DGKI: variants seen among roughly 807,000 people sequenced by gnomAD.
The protein encoded by DGKI is diacylglycerol kinase iota.
Under a neutral mutation model 147.5 loss-of-function variants are expected in DGKI, and 55 were observed. The observed-to-expected ratio is 0.37, with a 90% CI of 0.30 to 0.47. The LOEUF is 0.47. Among genes scored for constraint, DGKI ranks in the 20% least tolerant of loss-of-function variants. DGKI has a pLI of 1.00. For synonymous variants in DGKI, 469 were observed against 477.1 expected, an observed-to-expected ratio of 0.98 and a Z score of 0.22; for missense variants, 1,007 against 1,323.8, an observed-to-expected ratio of 0.76 and a Z score of 3.71.
intron 21 of DGKI, among the ~76,000 whole-genome samples, chr7:137,494,674 G>A (rs185188412): frequency 1.4e-4 from 21 of 152,222 alleles, no homozygotes; most frequent in Admixed American, 1.2e-3. Context: ...TGAAGGGAGT[G>A]CTAAATATGG....
At chr7:137,566,596 A>C (rs1370846845) in intron 19 of DGKI, among the ~76,000 whole-genome samples, 1 of 152,158 alleles carries the variant, frequency 6.6e-6, no homozygotes, top group Non-Finnish European at 1.5e-5. Context: ...CTAGCTGATG[A>C]TGTATATGGA....
At chr7:137,605,468 A>C (rs1820153777) in intron 10 of DGKI, among the ~76,000 whole-genome samples, 1 of 152,106 alleles carries the variant, frequency 6.6e-6, no homozygotes, top group South Asian at 2.1e-4. Context: ...ACAGCTTTGC[A>C]AAACACCCAG....
intron 8 of DGKI, among the ~76,000 whole-genome samples, chr7:137,611,413 A>C (rs1220809028): frequency 6.6e-6 from 1 of 152,162 alleles, no homozygotes; most frequent in African/African-American, 2.4e-5. Context: ...ATACTTTTTA[A>C]AAGTTTACCA....
chr7:137,683,305 T>A (rs1288738114), intron 2 of DGKI, among the ~76,000 whole-genome samples: 1 of 151,944 alleles, frequency 6.6e-6, no homozygotes, highest in Admixed American at 6.6e-5. Context: ...TAGACTCCAA[T>A]AACAGCATCA....
At chr7:137,773,541 C>T (rs1563191617) in intron 1 of DGKI, among the ~76,000 whole-genome samples, 1 of 152,110 alleles carries the variant, frequency 6.6e-6, no homozygotes, top group Non-Finnish European at 1.5e-5. Context: ...AGATGTTGAT[C>T]AGGCAGCTGA....
intron 32 of DGKI, among the ~76,000 whole-genome samples, chr7:137,395,081 C>T (rs1259122318): frequency 2.0e-5 from 3 of 152,148 alleles, no homozygotes; most frequent in African/African-American, 7.2e-5. Flanking sequence ...AAATGAAGAA[C>T]TACATAAACA....
rs1434428500 is a variant in DGKI, at chr7:137,384,043, T to G, written c.*7177A>C. On this transcript the variant is annotated 3_prime_UTR_variant, in exon 33 of 33. Coordinates refer to ENST00000614521, the MANE Select transcript of DGKI (RefSeq NM_001321708.2). Reference sequence around the variant, plus strand: ...TATGACTATGTATTATCATAACACTTAGCTTGCATACCCACCCATAAACTT... The same window carrying G: ...TATGACTATGTATTATCATAACACTGAGCTTGCATACCCACCCATAAACTT... 6.6e-6 allele frequency: 1 copy of G among 152,080 alleles called. No individual in the cohort carries two copies. The highest frequency in any genetic ancestry group is 1.5e-5 in the Non-Finnish European group (1 of 67,966). 9.4% of individuals were successfully genotyped at this position (152,080 alleles called of 1,614,324 possible). A position where few individuals can be genotyped will look rare whatever the true frequency, so the allele number is the denominator to read the frequency against.
At chr7:137,396,767 T>G (rs1489654112) in intron 31 of DGKI, among the ~76,000 whole-genome samples, 1 of 152,212 alleles carries the variant, frequency 6.6e-6, no homozygotes, top group Non-Finnish European at 1.5e-5. Context: ...TTGTTCCTGT[T>G]TGGGGAGCAG....
chr7:137,536,282 C>A (rs1050334670), intron 20 of DGKI, among the ~76,000 whole-genome samples: 1 of 152,146 alleles, frequency 6.6e-6, no homozygotes, highest in African/African-American at 2.4e-5. Flanking sequence ...GTCTTCTCAT[C>A]TAGGGAATGA....
chr7:137,524,063 T>G (rs964528794), intron 20 of DGKI, among the ~76,000 whole-genome samples: 1 of 148,378 alleles, frequency 6.7e-6, no homozygotes, highest in Non-Finnish European at 1.5e-5. Context: ...AGTCTGATGA[T>G]CTCTGTGTGC....
chr7:137,494,120 CA>C (rs548082859), intron 21 of DGKI, among the ~76,000 whole-genome samples: 92 of 146,430 alleles, frequency 6.3e-4, no homozygotes, highest in African/African-American at 1.5e-3. Flanking sequence ...AAATATGAAG[CA>C]AAAAAAAATG....
intron 1 of DGKI, among the ~76,000 whole-genome samples, chr7:137,745,884 C>A (rs1795311330): frequency 6.6e-6 from 1 of 152,108 alleles, no homozygotes; most frequent in African/African-American, 2.4e-5. Flanking sequence ...TTTACTGTTG[C>A]ACCTCAAATT....
intron 23 of DGKI, among the ~76,000 whole-genome samples, chr7:137,478,862 T>A (rs1486868434): frequency 6.6e-6 from 1 of 152,226 alleles, no homozygotes; most frequent in Non-Finnish European, 1.5e-5. Flanking sequence ...TTGTGAATGC[T>A]GCACATTAAA....
At position 137,382,974 on chromosome 7, in the gene DGKI, A is replaced by G. The variant is rs1562985930; in HGVS notation, c.*8246T>C. On this transcript the variant is annotated 3_prime_UTR_variant, in exon 33 of 33. Transcript: ENST00000614521. Reference sequence around the variant, plus strand: ...ATGACAGAAACATTAGTCTACTGATATGGGGTTAAGTCTTGTTTCATGACA... The same window carrying G: ...ATGACAGAAACATTAGTCTACTGATGTGGGGTTAAGTCTTGTTTCATGACA... The G allele has an allele frequency of 6.6e-6, 1 of 151,942 alleles. No individual in the cohort carries two copies. Among genetic ancestry groups the G allele is most frequent in the East Asian group, 1.9e-4 (1 of 5,148 alleles). 9.4% of individuals were successfully genotyped at this position (151,942 alleles called of 1,614,324 possible).
chr7:137,672,334 T>G (rs145012954), intron 3 of DGKI, among the ~76,000 whole-genome samples: 3,164 of 152,324 alleles, frequency 0.021, 108 homozygotes, highest in African/African-American at 0.072. Flanking sequence ...TCTCTGACTC[T>G]TCTTTATCTT....
chr7:137,533,874 T>C (rs1017470897), intron 20 of DGKI, among the ~76,000 whole-genome samples: 7 of 152,184 alleles, frequency 4.6e-5, no homozygotes, highest in African/African-American at 1.7e-4. Context: ...ATACCTGAGC[T>C]ATAACTTTGG....
chr7:137,399,578 C>T (rs1811674417), intron 30 of DGKI, among the ~76,000 whole-genome samples: 2 of 152,144 alleles, frequency 1.3e-5, no homozygotes, highest in Admixed American at 6.5e-5. Flanking sequence ...CATGTAAAGT[C>T]AAATTAATAA....
chr7:137,678,162 C>A (rs965929598), intron 3 of DGKI, among the ~76,000 whole-genome samples: 1 of 152,116 alleles, frequency 6.6e-6, no homozygotes, highest in Non-Finnish European at 1.5e-5. Context: ...CCAGTAAAGC[C>A]CCCACTGTGG....
At chr7:137,786,677 GAA>G (rs57873912) in intron 1 of DGKI, among the ~76,000 whole-genome samples, 178 of 140,738 alleles carry the variant, frequency 1.3e-3, no homozygotes, top group East Asian at 7.9e-3. Flanking sequence ...ACTAAGCAAA[GAA>G]AAAAAAAAAA....
Sources: allele counts gnomAD v4.1 joint callset (sites outside exome capture counted in the v4.1 genomes callset), GRCh38; gene constraint gnomAD v4.1.1; transcripts MANE v1.5; gene names NCBI Gene and HGNC (gene_info 2026-07-23, HGNC 2026-07-21).